The following MYO18B variants were observed in gnomAD, a reference collection of about 807,000 sequenced individuals.
The protein encoded by MYO18B is unconventional myosin-XVIIIb.
A neutral mutation model predicts 273.0 loss-of-function variants in MYO18B; 204 were observed. That is an observed-to-expected ratio of 0.75 (90% CI 0.67 to 0.84). The LOEUF (loss-of-function observed/expected upper bound fraction) is 0.84. Among genes scored for constraint, MYO18B ranks in the 40% least tolerant of loss-of-function variants. The pLI, the probability that MYO18B is intolerant of heterozygous loss-of-function variation, is 0.00. For synonymous variants in MYO18B, 1,330 were observed against 1,305.7 expected, an observed-to-expected ratio of 1.02 and a Z score of -0.40; for missense variants, 3,212 against 3,287.6, an observed-to-expected ratio of 0.98 and a Z score of 0.56.
rs116601609 is a variant in MYO18B, at chr22:25,768,361, A to G, written c.445A>G (p.Arg149Gly). 1.6e-4 allele frequency: 253 copies of G among 1,613,808 alleles called. 1 individual carries two copies. In the African/African-American group the frequency reaches 2.5e-3, roughly 16 times the overall value. The change falls in exon 4 of 44, where the codon AGG becomes GGG. Residue 149 changes from arginine (R) to glycine (G), a missense_variant. Coordinates refer to ENST00000335473, the MANE Select transcript of MYO18B (RefSeq NM_032608.7). ...KKTVPFKRGV[R>G]RGDVLLMVAK... Reference sequence around the variant, plus strand: ...GACTGTCCCCTTCAAGAGGGGCGTGAGGAGGGGTGATGTGTTGTTGATGGT... The same window carrying G: ...GACTGTCCCCTTCAAGAGGGGCGTGGGGAGGGGTGATGTGTTGTTGATGGT...
chr22:26,023,329 A>G (rs1569304261), intron 42 of MYO18B, among the ~76,000 whole-genome samples: 2 of 152,092 alleles, frequency 1.3e-5, no homozygotes, highest in South Asian at 2.1e-4. Context: ...CTGAGCATCT[A>G]CTACATACTG....
At chr22:25,954,048 C>CA (rs779227817) in intron 38 of MYO18B, among the ~76,000 whole-genome samples, 1 of 152,200 alleles carries the variant, frequency 6.6e-6, no homozygotes, top group Non-Finnish European at 1.5e-5. Flanking sequence ...AAAAAGGGCT[C>CA]AAAGTCCTTA....
chr22:25,912,808 C>CA (rs2092183802), intron 33 of MYO18B, among the ~76,000 whole-genome samples: 2 of 152,138 alleles, frequency 1.3e-5, no homozygotes, highest in South Asian at 4.1e-4. Flanking sequence ...TGAAACCATT[C>CA]CCCGGGGTTT....
chr22:26,025,283 T>A (rs1936153530), intron 42 of MYO18B, among the ~76,000 whole-genome samples: 1 of 152,172 alleles, frequency 6.6e-6, no homozygotes, highest in South Asian at 2.1e-4. Flanking sequence ...CAAAAGCCCA[T>A]TGGGTCACTG....
chr22:26,060,837 CACA>C, the MYO18B span, among the ~76,000 whole-genome samples: 1 of 122,450 alleles, frequency 8.2e-6, no homozygotes, highest in South Asian at 3.5e-4. Context: ...TATACATATA[CACA>C]ATATACACAT....
rs371198573 is a variant in MYO18B, at chr22:25,828,949, C to T, written c.2960C>T (p.Thr987Met). ...TTCTACCAGCGGACCTTTGTCTCCA[C>T]GCTACAGCGATATCAAGAGGTATGC... The part of the protein sequence containing the change: ...LLFYQRTFVS[T>M]LQRYQEEGVP... The change falls in exon 15 of 44, where the codon ACG becomes ATG. Residue 987 changes from threonine to methionine, a missense_variant. Thr to Met is a moderately conservative substitution (Grantham distance 81). Transcript: ENST00000335473. 33 of 1,613,830 alleles carry T rather than the reference C, an allele frequency of 2.0e-5. No individual in the cohort carries two copies. The highest frequency in any genetic ancestry group is 2.0e-4 in the East Asian group (9 of 44,898).
chr22:25,752,649 C>G (rs1011953246), intron 1 of MYO18B, among the ~76,000 whole-genome samples: 2 of 147,718 alleles, frequency 1.4e-5, no homozygotes, highest in African/African-American at 2.5e-5. Flanking sequence ...TGCCACTACA[C>G]CTGGCTAATT....
Position 25,780,109 on chromosome 22 carries a change from A to G in MYO18B, c.2122A>G (p.Met708Val), listed in dbSNP as rs1327391961. 2.1e-5 allele frequency: 34 copies of G among 1,602,502 alleles called. No individual in the cohort carries two copies. Among genetic ancestry groups the G allele is most frequent in the Non-Finnish European group, 2.7e-5 (32 of 1,175,526 alleles). Reference sequence around the variant, plus strand: ...CCTCCGGGCCTTCGGCTCTGTGTCCATGGCCCACAGCCGCAGTGCCACCCG... The same window carrying G: ...CCTCCGGGCCTTCGGCTCTGTGTCCGTGGCCCACAGCCGCAGTGCCACCCG... The part of the protein sequence containing the change: ...TVLRAFGSVS[M>V]AHSRSATRFS... Residue 708 changes from methionine to valine, a missense_variant, in exon 9 of 44, where the codon ATG (methionine) becomes GTG (valine). Met to Val is a conservative substitution (Grantham distance 21). Transcript: ENST00000335473.
intron 11 of MYO18B, among the ~76,000 whole-genome samples, chr22:25,797,142 G>A (rs1439889385): frequency 2.0e-5 from 3 of 152,162 alleles, no homozygotes; most frequent in Non-Finnish European, 4.4e-5. Flanking sequence ...TGAGAGAATC[G>A]CTTGAGCCCG....
chr22:26,041,372 A>AC, the MYO18B span, among the ~76,000 whole-genome samples: 1 of 145,496 alleles, frequency 6.9e-6, no homozygotes, highest in African/African-American at 2.7e-5. Context: ...AAAAAAAAAA[A>AC]CAAAACTAGA....
intron 34 of MYO18B, among the ~76,000 whole-genome samples, chr22:25,928,082 G>A (rs994583970): frequency 3.9e-5 from 6 of 152,070 alleles, no homozygotes; most frequent in African/African-American, 1.4e-4. Context: ...TATTCAGTTC[G>A]GCATGGTATT....
intron 24 of MYO18B, chr22:25,876,849 G>A (rs772451429): frequency 2.6e-5 from 4 of 151,828 alleles, no homozygotes; most frequent in Non-Finnish European, 5.9e-5. Context: ...ACTCTTCTTC[G>A]ACTTGTATTT....
chr22:25,961,696 A>C (rs137951921), intron 39 of MYO18B, among the ~76,000 whole-genome samples: 103 of 152,302 alleles, frequency 6.8e-4, no homozygotes, highest in Non-Finnish European at 1.3e-3. Flanking sequence ...AGGAAGCTAG[A>C]AGTCCAGATG....
At position 26,027,055 on chromosome 22, in the gene MYO18B, A is replaced by G. The variant is rs374438402; in HGVS notation, c.7081A>G (p.Met2361Val). 1.7e-5 allele frequency: 27 copies of G among 1,613,884 alleles called. No homozygotes were observed. In the African/African-American group the frequency reaches 3.2e-4, roughly 19 times the overall value. Residue 2361 changes from methionine (M) to valine (V), a missense_variant, in exon 43 of 44, where the codon ATG becomes GTG. By Grantham distance (21) the Met-to-Val change is conservative (BLOSUM62 1). Coordinates refer to ENST00000335473, the MANE Select transcript of MYO18B (RefSeq NM_032608.7). This position sits in a 1 kb window ranked among gnomAD's most constrained non-coding sequence, Gnocchi z 4.1. ...CESLLESRPSMGRKLSSPTTP... is the reference protein window; with the variant it reads ...CESLLESRPSVGRKLSSPTTP... Reference sequence around the variant, plus strand: ...GTCCCTCTTAGAATCCAGACCGAGCATGGGGAGAAAACTGAGCTCTCCGAC... The same window carrying G: ...GTCCCTCTTAGAATCCAGACCGAGCGTGGGGAGAAAACTGAGCTCTCCGAC...
Position 25,856,898 on chromosome 22 carries a change from A to C in MYO18B, c.3885+5319A>C, listed in dbSNP as rs695613. Among the ~76,000 whole-genome samples the C allele has an allele frequency of 5.9e-5, 9 of 152,002 alleles. No homozygotes were observed. The East Asian group carries it at 1.6e-3, about 26-fold the overall frequency. On this transcript the variant is annotated intron_variant, in intron 21 of 43. Coordinates refer to ENST00000335473, the MANE Select transcript of MYO18B (RefSeq NM_032608.7). ...TAGCAGACCTGATCTTTGTGACTTG[A>C]ACTGGCTTCAGCAAAATTATGAAGG...
intron 25 of MYO18B, among the ~76,000 whole-genome samples, chr22:25,881,062 A>G (rs2301498): frequency 0.12 from 17,976 of 152,240 alleles, 1,381 homozygotes; most frequent in African/African-American, 0.21. Flanking sequence ...GGTAACTGTA[A>G]ATGGATTTAT....
intron 12 of MYO18B, among the ~76,000 whole-genome samples, chr22:25,813,286 G>A: frequency 6.6e-6 from 1 of 150,776 alleles, no homozygotes. Context: ...CTGGGTTCAA[G>A]CGATTCTCCT....
At position 25,785,365 on chromosome 22, in the gene MYO18B, A is replaced by G. The variant is rs574681996; in HGVS notation, c.2313-63A>G. 54 of 1,522,756 alleles carry G rather than the reference A, an allele frequency of 3.5e-5. No homozygotes were observed. The African/African-American group carries it at 6.9e-4, about 19-fold the overall frequency. 94.3% of individuals were successfully genotyped at this position (1,522,756 alleles called of 1,614,324 possible). On this transcript the variant is annotated intron_variant, in intron 10 of 43. Coordinates refer to ENST00000335473, the MANE Select transcript of MYO18B (RefSeq NM_032608.7). Reference sequence around the variant, plus strand: ...TGTGGAGCCTCACACTGTGACGACCACCTGCCCTGCCAGGGCTGGTGTGGA... The same window carrying G: ...TGTGGAGCCTCACACTGTGACGACCGCCTGCCCTGCCAGGGCTGGTGTGGA...
the MYO18B span, among the ~76,000 whole-genome samples, chr22:26,057,851 A>G: frequency 6.6e-6 from 1 of 152,270 alleles, no homozygotes; most frequent in African/African-American, 2.4e-5. Context: ...TTTATGTCAC[A>G]CTCAGCTTCA....
Sources: allele counts gnomAD v4.1 joint callset (sites outside exome capture counted in the v4.1 genomes callset), GRCh38; gene constraint gnomAD v4.1.1; non-coding constraint Gnocchi (gnomAD v3.1); transcripts MANE v1.5; gene names NCBI Gene and HGNC (gene_info 2026-07-23, HGNC 2026-07-21).